The following SPATA2 variants were observed in gnomAD, a reference collection of about 807,000 sequenced individuals.
The protein encoded by SPATA2 is spermatogenesis associated 2.
A neutral mutation model predicts 35.4 loss-of-function variants in SPATA2; 8 were observed. The observed-to-expected ratio is 0.23, with a 90% CI of 0.13 to 0.41. SPATA2 has a LOEUF of 0.41. Among genes scored for constraint, SPATA2 ranks in the 10% least tolerant of loss-of-function variants. The pLI is 1.00. For synonymous variants in SPATA2, 293 were observed against 300.9 expected (o/e 0.97, Z 0.27); for missense variants, 650 against 698.7 (o/e 0.93, Z 0.79).
At position 49,905,394 on chromosome 20, in the gene SPATA2, C is replaced by CG. The variant is rs551153495; in HGVS notation, c.*224dup. ...GAGAGATTAGCAAAATGAATCTGAA[C>CG]GGAAGTGCCACCTTCTCCCTTGTCA... On this transcript the variant is annotated 3_prime_UTR_variant, in exon 3 of 3. Transcript: ENST00000289431. 2 of 572,216 alleles carry CG rather than the reference C, an allele frequency of 3.5e-6. No individual in the cohort carries two copies. The highest frequency in any genetic ancestry group is 3.1e-5 in the Admixed American group (1 of 32,376). 35.4% of individuals were successfully genotyped at this position (572,216 alleles called of 1,614,324 possible).
At chr20:49,907,883 C>G (rs780964371) in intron 2 of SPATA2, among the ~76,000 whole-genome samples, 1 of 152,010 alleles carries the variant, frequency 6.6e-6, no homozygotes, top group Non-Finnish European at 1.5e-5. Context: ...CCTCCTTCCC[C>G]GCCTACTCAG....
chr20:49,905,099 T>G lies in SPATA2; in HGVS notation c.*520A>C. On this transcript the variant is annotated 3_prime_UTR_variant, in exon 3 of 3. Coordinates refer to ENST00000289431, the MANE Select transcript of SPATA2 (RefSeq NM_006038.4). The stretch of plus-strand genomic sequence containing the variant: ...GGGAGTCCAGCTGGGGATCCTTGTG[T>G]TTAGGAAGGGGGCGGCCAAGGGATG... The G allele has an allele frequency of 6.4e-6, 1 of 155,782 alleles. No individual in the cohort carries two copies. Among genetic ancestry groups the G allele is most frequent in the Non-Finnish European group, 1.4e-5 (1 of 70,170 alleles). 9.6% of individuals were successfully genotyped at this position (155,782 alleles called of 1,614,324 possible). A position where few individuals can be genotyped will look rare whatever the true frequency, so the allele number is the denominator to read the frequency against.
chr20:49,914,608 T>C (rs776505549), intron 1 of SPATA2, among the ~76,000 whole-genome samples: 5 of 152,038 alleles, frequency 3.3e-5, no homozygotes, highest in Non-Finnish European at 5.9e-5. Flanking sequence ...TCCTACTAGA[T>C]TCCAAAGAAA....
intron 1 of SPATA2, among the ~76,000 whole-genome samples, chr20:49,912,263 G>A (rs1226958760): frequency 6.6e-6 from 1 of 152,186 alleles, no homozygotes. Flanking sequence ...AGACTAGCCT[G>A]GCCAACATAG....
At position 49,906,482 on chromosome 20, in the gene SPATA2, C is replaced by T. The variant is rs755319787; in HGVS notation, c.700G>A (p.Ala234Thr). The T allele has an allele frequency of 1.9e-6, 3 of 1,611,256 alleles. No individual in the cohort carries two copies. The highest frequency in any genetic ancestry group is 1.7e-6 in the Non-Finnish European group (2 of 1,179,894). The change falls in exon 3 of 3, where the codon GCC becomes ACC. Residue 234 changes from alanine to threonine, a missense_variant. By Grantham distance (58) the Ala-to-Thr change is moderately conservative. Coordinates refer to ENST00000289431, the MANE Select transcript of SPATA2 (RefSeq NM_006038.4). The surrounding 1 kb of genome is among the most constrained non-coding windows in gnomAD (Gnocchi z 8.2). ...TAGTCCTTGGCCGCCCGCTCGCTGG[C>T]CGACTTCTGGAGTGCCACTCGTGAC... Reference protein sequence around the residue: ...SMSRVALQKSASERAAKDYYK... With the variant: ...SMSRVALQKSTSERAAKDYYK...
Position 49,906,387 on chromosome 20 carries a change from C to T in SPATA2, c.795G>A (p.Lys265=). ...DAYDSYWESR[K]PPLKASLSLR... ...GACTCAATGAGGCCTTCAGGGGTGG[C>T]TTCCGGCTCTCCCAGTAGCTGTCAT... The change falls in exon 3 of 3, where the codon AAG becomes AAA. Residue 265 remains lysine, a synonymous_variant. Transcript: ENST00000289431. This position sits in a 1 kb window ranked among gnomAD's most constrained non-coding sequence, Gnocchi z 8.2. 1 of 1,613,836 alleles carries T rather than the reference C, an allele frequency of 6.2e-7. No homozygotes were observed. The highest frequency in any genetic ancestry group is 8.5e-7 in the Non-Finnish European group (1 of 1,179,998).
At position 49,905,773 on chromosome 20, in the gene SPATA2, T is replaced by C; in HGVS notation, c.1409A>G (p.Asn470Ser). 1.2e-6 allele frequency: 2 copies of C among 1,614,212 alleles called. No homozygotes were observed. The highest frequency in any genetic ancestry group is 1.7e-6 in the Non-Finnish European group (2 of 1,180,028). The change falls in exon 3 of 3, where the codon AAC (asparagine) becomes AGC (serine). Residue 470 changes from asparagine to serine, a missense_variant. By Grantham distance (46) the Asn-to-Ser change is conservative (BLOSUM62 1). Transcript: ENST00000289431. The stretch of plus-strand genomic sequence containing the variant: ...GACTTTTGAACACTGGGTGCAGGTG[T>C]TGGTGGCGCCTGGGCGGTTGCAGAA... ...CGFCNRPGAT[N>S]TCTQCSKVSC...
intron 1 of SPATA2, among the ~76,000 whole-genome samples, chr20:49,914,161 T>C (rs1181129916): frequency 6.6e-6 from 1 of 152,054 alleles, no homozygotes; most frequent in Non-Finnish European, 1.5e-5. Flanking sequence ...AGGTACCTTC[T>C]TGAAAAGCAA....
In SPATA2 at chr20:49,906,660, C is replaced by T. The variant is rs1349769825; in HGVS notation, c.522G>A (p.Glu174=). Reference sequence around the variant, plus strand: ...CTTGTGAGTGGATTTCTAGCATCTGCTCACACTCGACTTTGGCCAGAAAGA... The same window carrying T: ...CTTGTGAGTGGATTTCTAGCATCTGTTCACACTCGACTTTGGCCAGAAAGA... ...FELFLAKVEC[E]QMLEIHSQVK... The change falls in exon 3 of 3, where the codon GAG becomes GAA. Residue 174 remains glutamate, a synonymous_variant. Coordinates refer to ENST00000289431, the MANE Select transcript of SPATA2 (RefSeq NM_006038.4). This position sits in a 1 kb window ranked among gnomAD's most constrained non-coding sequence, Gnocchi z 8.2. 8 of 1,614,142 alleles carry T rather than the reference C, an allele frequency of 5.0e-6. No individual in the cohort carries two copies. The highest frequency in any genetic ancestry group is 1.7e-5 in the Admixed American group (1 of 60,010).
chr20:49,906,979 C>T lies in SPATA2; in HGVS notation c.337-134G>A, dbSNP rs922039148. 1.2e-5 allele frequency: 11 copies of T among 946,986 alleles called. No individual in the cohort carries two copies. In the South Asian group the frequency reaches 1.9e-4, roughly 17 times the overall value. The allele number at this position is 946,986 out of a possible 1,614,324, so 58.7% of individuals were successfully genotyped here. A position where few individuals can be genotyped will look rare whatever the true frequency, so the allele number is the denominator to read the frequency against. ...AGGGCAGGGCAGGGAAGGATCTCGACAGCCTCACCCTGCGGGAGGCAGAAG... is the reference window on the plus strand; with the variant it reads ...AGGGCAGGGCAGGGAAGGATCTCGATAGCCTCACCCTGCGGGAGGCAGAAG... On this transcript the variant is annotated intron_variant, in intron 2 of 2. Transcript: ENST00000289431. The surrounding 1 kb of genome is among the most constrained non-coding windows in gnomAD (Gnocchi z 8.2).
rs191126909 is a variant in SPATA2, at chr20:49,903,658, A to G, written c.*1961T>C. 8 of 152,066 alleles carry G rather than the reference A, an allele frequency of 5.3e-5. No homozygotes were observed. In the East Asian group the frequency reaches 1.4e-3, roughly 26 times the overall value. 9.4% of individuals were successfully genotyped at this position (152,066 alleles called of 1,614,324 possible). On this transcript the variant is annotated 3_prime_UTR_variant, in exon 3 of 3. Transcript: ENST00000289431. ...GTGTTAGTCATTCCTGCTTTTGTCC[A>G]TAGGGTAAGTTACGTGGCATCACGG...
intron 1 of SPATA2, among the ~76,000 whole-genome samples, chr20:49,909,557 A>G (rs1438446949): frequency 6.6e-6 from 1 of 152,066 alleles, no homozygotes; most frequent in Non-Finnish European, 1.5e-5. Flanking sequence ...ATACAAAAAA[A>G]TTTTTAAGAA....
rs756953070 is a variant in SPATA2, at chr20:49,906,517, G to A, written c.665C>T (p.Thr222Met). 1.6e-5 allele frequency: 25 copies of A among 1,611,996 alleles called. No homozygotes were observed. Among genetic ancestry groups the A allele is most frequent in the Non-Finnish European group, 2.0e-5 (24 of 1,179,838 alleles). The change falls in exon 3 of 3, where the codon ACG becomes ATG. Residue 222 changes from threonine to methionine, a missense_variant. Physicochemically the swap from Thr to Met is moderately conservative, Grantham distance 81 (BLOSUM62 -1). Coordinates refer to ENST00000289431, the MANE Select transcript of SPATA2 (RefSeq NM_006038.4). This position sits in a 1 kb window ranked among gnomAD's most constrained non-coding sequence, Gnocchi z 8.2. ...GAGTGCCACTCGTGACATGGAGGCCGTCAGGTGCTCCCGGCCCTCTGCCCG... is the reference window on the plus strand; with the variant it reads ...GAGTGCCACTCGTGACATGGAGGCCATCAGGTGCTCCCGGCCCTCTGCCCG... ...RRRAEGREHL[T>M]ASMSRVALQK...
Position 49,908,171 on chromosome 20 carries a change from T to G in SPATA2, c.320A>C (p.Glu107Ala). The change falls in exon 2 of 3, where the codon GAA becomes GCA. Residue 107 changes from glutamate to alanine, a missense_variant. Physicochemically the swap from Glu to Ala is moderately radical, Grantham distance 107. Coordinates refer to ENST00000289431, the MANE Select transcript of SPATA2 (RefSeq NM_006038.4). ...GGACCTCACCTTGATGCTTCTGAAT[T>G]CCTTCTTCCACGGGTAGAGGAAGAG... ...INLFLYPWKKEFRSIKTYTGP... is the reference protein window; with the variant it reads ...INLFLYPWKKAFRSIKTYTGP... 1 of 1,608,636 alleles carries G rather than the reference T, an allele frequency of 6.2e-7. No homozygotes were observed.
rs1490020642 is a variant in SPATA2, at chr20:49,905,329, A to AAAC, written c.*287_*289dup. 4 of 439,828 alleles carry AAAC rather than the reference A, an allele frequency of 9.1e-6. No individual in the cohort carries two copies. The highest frequency in any genetic ancestry group is 1.2e-5 in the Non-Finnish European group (3 of 246,738). 27.2% of individuals were successfully genotyped at this position (439,828 alleles called of 1,614,324 possible). ...AAAAACAAAACAACAAAACAAAACA[A>AAAC]AACAAAACCCCAAAAAAAGAACCAA... On this transcript the variant is annotated 3_prime_UTR_variant, in exon 3 of 3. Coordinates refer to ENST00000289431, the MANE Select transcript of SPATA2 (RefSeq NM_006038.4).
intron 2 of SPATA2, among the ~76,000 whole-genome samples, chr20:49,907,934 A>C (rs1194039247): frequency 2.6e-5 from 4 of 152,142 alleles, no homozygotes; most frequent in African/African-American, 7.2e-5. Flanking sequence ...GACCCTGCAT[A>C]ACCTGGCTGC....
chr20:49,909,176 C>A (rs1034155969), intron 1 of SPATA2, among the ~76,000 whole-genome samples: 1 of 152,108 alleles, frequency 6.6e-6, no homozygotes, highest in Non-Finnish European at 1.5e-5. Context: ...GCACCTGCCA[C>A]CACGCCTGGT....
Position 49,905,311 on chromosome 20 carries a change from AAAC to A in SPATA2, c.*305_*307del, listed in dbSNP as rs911740634. On this transcript the variant is annotated 3_prime_UTR_variant, in exon 3 of 3. Transcript: ENST00000289431. Reference sequence around the variant, plus strand: ...GAAATCCTCTTTAAAGGAAAAAACAAAACAACAAAACAAAACAAAACAAAACCC... The same window carrying A: ...GAAATCCTCTTTAAAGGAAAAAACAAAACAAAACAAAACAAAACAAAACCC... 5 of 383,440 alleles carry A rather than the reference AAAC, an allele frequency of 1.3e-5. No individual in the cohort carries two copies. Among genetic ancestry groups the A allele is most frequent in the Non-Finnish European group, 1.9e-5 (4 of 212,038 alleles). 23.8% of individuals were successfully genotyped at this position (383,440 alleles called of 1,614,324 possible). A position where few individuals can be genotyped will look rare whatever the true frequency, so the allele number is the denominator to read the frequency against.
At position 49,908,269 on chromosome 20, in the gene SPATA2, C is replaced by T. The variant is rs2090160334; in HGVS notation, c.222G>A (p.Leu74=). 1 of 1,614,170 alleles carries T rather than the reference C, an allele frequency of 6.2e-7. No homozygotes were observed. The highest frequency in any genetic ancestry group is 2.2e-5 in the East Asian group (1 of 44,882). Residue 74 remains leucine, a synonymous_variant, in exon 2 of 3, where the codon TTG becomes TTA. Transcript: ENST00000289431. ...IQFYEVVESS[L]RSLSSSSLRA... is the part of the protein sequence containing the mutation. ...GCAGGCTAGAGGAGCTGAGCGAGCG[C>T]AAGGAGCTCTCCACCACCTCATAGA...
Sources: allele counts gnomAD v4.1 joint callset (sites outside exome capture counted in the v4.1 genomes callset), GRCh38; gene constraint gnomAD v4.1.1; non-coding constraint Gnocchi (gnomAD v3.1); transcripts MANE v1.5; gene names NCBI Gene and HGNC (gene_info 2026-07-23, HGNC 2026-07-21).